DPH6: variants seen among roughly 807,000 people sequenced by gnomAD.
The protein encoded by DPH6 is diphthamine biosynthesis 6.
Under a neutral mutation model 38.2 loss-of-function variants are expected in DPH6, and 33 were observed. That is an observed-to-expected ratio of 0.86 (90% confidence interval 0.65 to 1.15). The LOEUF (loss-of-function observed/expected upper bound fraction) is 1.15. Ranked by LOEUF, DPH6 falls within the 50% of genes most tolerant of loss-of-function variation. The pLI is 0.00. For synonymous variants in DPH6, 108 were observed against 103.0 expected, an observed-to-expected ratio of 1.05 and a Z score of -0.30; for missense variants, 325 against 320.0, an observed-to-expected ratio of 1.02 and a Z score of -0.12.
chr15:35,409,843 T>C (rs1208358797), intron 6 of DPH6, among the ~76,000 whole-genome samples: 1 of 151,862 alleles, frequency 6.6e-6, no homozygotes, highest in African/African-American at 2.4e-5. Flanking sequence ...CACAATTACA[T>C]AATCATTTCA....
At chr15:35,295,597 T>C (rs1333492639) in intron 3 of DPH6, among the ~76,000 whole-genome samples, 1 of 152,294 alleles carries the variant, frequency 6.6e-6, no homozygotes. Context: ...AGATAATCCA[T>C]CTGACACTGT....
intron 5 of DPH6, among the ~76,000 whole-genome samples, chr15:35,445,595 T>C (rs936834062): frequency 3.3e-5 from 5 of 152,122 alleles, no homozygotes; most frequent in Non-Finnish European, 5.9e-5. Flanking sequence ...AGGTATGTCA[T>C]GCATGCATGA....
intron 5 of DPH6, among the ~76,000 whole-genome samples, chr15:35,439,582 A>T (rs558037455): frequency 1.1e-4 from 17 of 152,324 alleles, no homozygotes; most frequent in African/African-American, 4.1e-4. Flanking sequence ...CAGATCCAAT[A>T]AAAACCGCTT....
At chr15:35,200,058 A>C in the DPH6 span, among the ~76,000 whole-genome samples, 1 of 152,118 alleles carries the variant, frequency 6.6e-6, no homozygotes. Flanking sequence ...AAAAATAAGA[A>C]ATAAATAAGA....
chr15:35,189,174 T>C, the DPH6 span, among the ~76,000 whole-genome samples: 1 of 152,238 alleles, frequency 6.6e-6, no homozygotes, highest in African/African-American at 2.4e-5. Context: ...AATAGCTTTA[T>C]GCTACAAGTG....
At chr15:35,189,854 T>C in the DPH6 span, among the ~76,000 whole-genome samples, 1 of 152,020 alleles carries the variant, frequency 6.6e-6, no homozygotes, top group East Asian at 1.9e-4. Flanking sequence ...GGAGTAGGAG[T>C]AGTAAATGAT....
intron 3 of DPH6, among the ~76,000 whole-genome samples, chr15:35,236,322 T>A (rs1399982729): frequency 6.6e-6 from 1 of 152,212 alleles, no homozygotes. Flanking sequence ...GGAATTTGCC[T>A]TATTGTAATC....
chr15:35,429,817 G>A (rs527782391), intron 5 of DPH6, among the ~76,000 whole-genome samples: 6 of 152,192 alleles, frequency 3.9e-5, no homozygotes, highest in Admixed American at 3.3e-4. Context: ...GAAAAAATCT[G>A]TTCCTAATAT....
chr15:35,467,661 C>A (rs2054144590), intron 3 of DPH6, among the ~76,000 whole-genome samples: 1 of 152,192 alleles, frequency 6.6e-6, no homozygotes. Context: ...CTGTCTTCCT[C>A]CTCTACATAT....
At chr15:35,435,138 C>T (rs1298981794) in intron 5 of DPH6, among the ~76,000 whole-genome samples, 4 of 151,850 alleles carry the variant, frequency 2.6e-5, no homozygotes, top group Non-Finnish European at 5.9e-5. Flanking sequence ...AACTTCCTTC[C>T]CCAGTAGAAT....
At chr15:35,281,258 C>T (rs2051897336) in intron 3 of DPH6, among the ~76,000 whole-genome samples, 1 of 152,094 alleles carries the variant, frequency 6.6e-6, no homozygotes, top group Admixed American at 6.6e-5. Context: ...TAGGAGACCT[C>T]AAAGGCAAAT....
At chr15:35,240,157 T>A (rs1788096249) in intron 3 of DPH6, among the ~76,000 whole-genome samples, 1 of 142,858 alleles carries the variant, frequency 7.0e-6, no homozygotes, top group African/African-American at 2.5e-5. Context: ...TCTTCTGCAA[T>A]GCCGCTTGAC....
chr15:35,412,719 C>T (rs1244997669), intron 5 of DPH6, among the ~76,000 whole-genome samples: 2 of 151,518 alleles, frequency 1.3e-5, no homozygotes, highest in Non-Finnish European at 3.0e-5. Context: ...GTGAAAAAAG[C>T]CAATTTGAAA....
chr15:35,368,373 T>C (rs759630165), downstream of DPH6, among the ~76,000 whole-genome samples: 6 of 151,860 alleles, frequency 4.0e-5, no homozygotes, highest in Non-Finnish European at 8.8e-5. Context: ...TGAAAAAGGA[T>C]GCTATGGCCA....
At chr15:35,207,302 C>T in the DPH6 span, among the ~76,000 whole-genome samples, 2 of 151,944 alleles carry the variant, frequency 1.3e-5, no homozygotes, top group African/African-American at 4.8e-5. Context: ...CCCACCTGGC[C>T]TCCCAAAGTG....
chr15:35,311,649 T>C (rs1371550131), intron 3 of DPH6, among the ~76,000 whole-genome samples: 2 of 152,164 alleles, frequency 1.3e-5, no homozygotes, highest in Admixed American at 6.5e-5. Flanking sequence ...TTAAGTACAG[T>C]TATCTGAAAT....
At chr15:35,185,881 C>G in the DPH6 span, among the ~76,000 whole-genome samples, 4,124 of 151,508 alleles carry the variant, frequency 0.027, 276 homozygotes, top group East Asian at 0.3. Flanking sequence ...TACGGGCGCC[C>G]GCCACCACGC....
intron 8 of DPH6, 179 bp from the exon 9 acceptor site, chr15:35,372,382 C>T (rs1026974445): frequency 4.5e-5 from 20 of 443,846 alleles, no homozygotes; most frequent in Non-Finnish European, 6.8e-5. Context: ...AATACCAAAA[C>T]AACGAGGTGA....
intron 3 of DPH6, among the ~76,000 whole-genome samples, chr15:35,472,479 C>T (rs984269816): frequency 6.6e-6 from 1 of 152,112 alleles, no homozygotes; most frequent in Non-Finnish European, 1.5e-5. Context: ...GCCCTCCAAT[C>T]TCCCCAGTAC....
Sources: allele counts gnomAD v4.1 joint callset (sites outside exome capture counted in the v4.1 genomes callset), GRCh38; gene constraint gnomAD v4.1.1; transcripts MANE v1.5; gene names NCBI Gene and HGNC (gene_info 2026-07-23, HGNC 2026-07-21).